DIP2C: variants seen among roughly 807,000 people sequenced by gnomAD.
DIP2C encodes the protein disco-interacting protein 2 homolog C.
DIP2C carries 33 observed loss-of-function variants against 192.4 expected under a neutral mutation model. That is an observed-to-expected ratio of 0.17 (90% CI 0.13 to 0.23). DIP2C has a LOEUF of 0.23. DIP2C is among the 10% of genes least tolerant of loss of function. The pLI is 1.00. For missense variants in DIP2C, 1,537 were observed against 2,110.1 expected (o/e 0.73, Z 5.32); for synonymous variants, 979 against 864.1 (o/e 1.13, Z -2.33).
chr10:532,384 C>T (rs1432956148), intron 1 of DIP2C, among the ~76,000 whole-genome samples: 1 of 152,214 alleles, frequency 6.6e-6, no homozygotes, highest in South Asian at 2.1e-4. Flanking sequence ...GTAGCCTTAA[C>T]AGGTGGTCCC....
At chr10:599,104 T>C (rs1166645130) in intron 1 of DIP2C, among the ~76,000 whole-genome samples, 1 of 152,064 alleles carries the variant, frequency 6.6e-6, no homozygotes, top group Non-Finnish European at 1.5e-5. Context: ...ACAGCCACTC[T>C]CCCAGCGTGG....
intron 29 of DIP2C, 79 bp downstream of exon 29, chr10:341,120 G>A (rs7904155): frequency 0.99 from 1,579,472 of 1,598,154 alleles, 781,392 homozygotes; most frequent in East Asian, 1. Context: ...GCAGTGCTTA[G>A]GTTGCCTGGC....
intron 1 of DIP2C, among the ~76,000 whole-genome samples, chr10:530,653 TAAAAAAA>T (rs59344971): frequency 6.6e-5 from 7 of 106,088 alleles, no homozygotes; most frequent in African/African-American, 2.1e-4. Context: ...CCCTATCTCT[TAAAAAAA>T]AAAAAAAAAA....
intron 1 of DIP2C, among the ~76,000 whole-genome samples, chr10:670,142 G>T (rs955489620): frequency 6.6e-6 from 1 of 151,928 alleles, no homozygotes; most frequent in Non-Finnish European, 1.5e-5. Context: ...ACGCATACAC[G>T]TGTACACATA....
chr10:294,393 GC>G (rs1167034948), intron 32 of DIP2C, among the ~76,000 whole-genome samples: 1 of 152,016 alleles, frequency 6.6e-6, no homozygotes, highest in African/African-American at 2.4e-5. Flanking sequence ...GATCACTTGA[GC>G]CCAGGAGTTT....
At chr10:409,592 G>A (rs746239885) in intron 8 of DIP2C, among the ~76,000 whole-genome samples, 15 of 152,250 alleles carry the variant, frequency 9.9e-5, no homozygotes, top group Non-Finnish European at 2.1e-4. Flanking sequence ...GAAGGTTGTA[G>A]GGAGGAAAGT....
At chr10:497,788 A>G (rs1289964903) in intron 1 of DIP2C, among the ~76,000 whole-genome samples, 1 of 152,246 alleles carries the variant, frequency 6.6e-6, no homozygotes, top group African/African-American at 2.4e-5. Context: ...TTCATCATAC[A>G]TTTGGAGTTG....
In DIP2C at chr10:689,157, G is replaced by A. The variant is rs1831447174; in HGVS notation, c.85+337C>T. 6.7e-6 allele frequency among the ~76,000 whole-genome samples: 1 copy of A among 149,770 alleles called. No homozygotes were observed. ...GGCCCCACAGACACCCCCAGGGCGCGGGGGGATCGCGGCCCCACAAACATC... is the reference window on the plus strand; with the variant it reads ...GGCCCCACAGACACCCCCAGGGCGCAGGGGGATCGCGGCCCCACAAACATC... On this transcript the variant is annotated intron_variant, in intron 1 of 36. Transcript: ENST00000280886. This position sits in a 1 kb window ranked among gnomAD's most constrained non-coding sequence, Gnocchi z 6.1.
intron 22 of DIP2C, 101 bp from the exon 23 acceptor site, chr10:358,038 G>C: frequency 2.6e-6 from 2 of 772,918 alleles, no homozygotes; most frequent in Non-Finnish European, 4.2e-6. Flanking sequence ...AAAACTTCTG[G>C]AAAGACCTGG....
At chr10:398,118 T>C (rs947588055) in intron 10 of DIP2C, among the ~76,000 whole-genome samples, 15 of 152,238 alleles carry the variant, frequency 9.9e-5, no homozygotes, top group Non-Finnish European at 1.9e-4. Flanking sequence ...CTCTCTCTTG[T>C]GGGGAAAATC....
intron 23 of DIP2C, 117 bp from the exon 24 acceptor site, chr10:356,623 A>G: frequency 1.3e-6 from 1 of 752,382 alleles, no homozygotes; most frequent in Non-Finnish European, 2.1e-6. Flanking sequence ...GGGTCTTAAA[A>G]CCGCATGCTT....
At chr10:295,536 G>T (rs1379018456) in intron 32 of DIP2C, among the ~76,000 whole-genome samples, 1 of 117,386 alleles carries the variant, frequency 8.5e-6, no homozygotes, top group Non-Finnish European at 1.7e-5. Flanking sequence ...AGTCCCACCT[G>T]GGCGAAAGAA....
intron 3 of DIP2C, among the ~76,000 whole-genome samples, chr10:447,621 G>A (rs1442150094): frequency 4.1e-4 from 50 of 121,620 alleles, no homozygotes; most frequent in African/African-American, 1.0e-3. Flanking sequence ...ACTCATCCCT[G>A]TCTATACTCA....
At chr10:475,684 G>A (rs748314665) in intron 2 of DIP2C, among the ~76,000 whole-genome samples, 1 of 152,196 alleles carries the variant, frequency 6.6e-6, no homozygotes, top group African/African-American at 2.4e-5. Flanking sequence ...AGCTTCTACA[G>A]GTTGCAATAA....
intron 1 of DIP2C, among the ~76,000 whole-genome samples, chr10:612,565 G>A (rs926656018): frequency 1.3e-5 from 2 of 152,128 alleles, no homozygotes; most frequent in African/African-American, 4.8e-5. Flanking sequence ...GAACAGAGAT[G>A]CCCAAAATAT....
rs141279400 is a variant in DIP2C at position 292,647 on chromosome 10, G to A, written c.3987-4226C>T. 1.2e-3 allele frequency among the ~76,000 whole-genome samples: 181 copies of A among 152,346 alleles called. 1 individual carries two copies. Among genetic ancestry groups the A allele is most frequent in the African/African-American group, 4.2e-3 (176 of 41,584 alleles). On this transcript the variant is annotated intron_variant, in intron 32 of 36. Coordinates refer to ENST00000280886, the MANE Select transcript of DIP2C (RefSeq NM_014974.3). ...AACGAATGCATGGCTGTCACAAGAG[G>A]TCTGTGAGGTCTTCATTCTTCATTC...
chr10:566,488 ACT>A (rs1849475221), intron 1 of DIP2C, among the ~76,000 whole-genome samples: 2 of 152,138 alleles, frequency 1.3e-5, no homozygotes, highest in Non-Finnish European at 2.9e-5. Flanking sequence ...CACACCGCAC[ACT>A]GATATTTTTA....
chr10:670,133 C>T (rs914400283), intron 1 of DIP2C, among the ~76,000 whole-genome samples: 44 of 152,110 alleles, frequency 2.9e-4, no homozygotes, highest in African/African-American at 7.7e-4. Context: ...TACATGTACA[C>T]GCATACACGT....
chr10:467,619 G>C (rs535585842), intron 3 of DIP2C, among the ~76,000 whole-genome samples: 1 of 147,606 alleles, frequency 6.8e-6, no homozygotes, highest in African/African-American at 2.5e-5. Context: ...ATAGTATGCA[G>C]CCATAAAAAA....
Sources: gnomAD v4.1 joint callset for allele counts (sites outside exome capture counted in the v4.1 genomes callset) on GRCh38, gnomAD v4.1.1 for gene constraint, Gnocchi (gnomAD v3.1) non-coding constraint, MANE v1.5 for transcripts, NCBI Gene and HGNC (gene_info 2026-07-23, HGNC 2026-07-21) for gene names.